Variants in DMD observed in about 807,000 individuals in gnomAD.
DMD encodes mutant dystrophin.
In DMD, 63 loss-of-function variants were observed where a neutral mutation model predicts 330.1. That is an observed-to-expected ratio of 0.19 (90% CI 0.16 to 0.24). The LOEUF is 0.24. DMD is among the 10% of genes least tolerant of loss of function. DMD has a pLI of 1.00. For synonymous variants in DMD, 1,223 were observed against 959.8 expected (o/e 1.27, Z -5.07); for missense variants, 3,344 against 2,684.1 (o/e 1.25, Z -5.43).
intron 63 of DMD, among the ~76,000 whole-genome samples, chrX:31,251,368 C>A (rs922048402): frequency 1.8e-5 from 2 of 111,045 alleles, no homozygotes; most frequent in African/African-American, 6.6e-5. Context: ...AAAATTAATG[C>A]TTGGTAAAGA....
intron 60 of DMD, among the ~76,000 whole-genome samples, chrX:31,382,076 A>G (rs964019887): frequency 8.1e-5 from 9 of 111,522 alleles, no homozygotes; most frequent in Non-Finnish European, 1.7e-4. Flanking sequence ...CGGTCCTATA[A>G]CAGACTGGAC....
At chrX:32,814,236 C>G (rs1345292845) in intron 6 of DMD, among the ~76,000 whole-genome samples, 2 of 112,239 alleles carry the variant, frequency 1.8e-5, no homozygotes, top group Admixed American at 1.9e-4. Flanking sequence ...TTATCTGCAT[C>G]TTTTGTACAT....
intron 44 of DMD, among the ~76,000 whole-genome samples, chrX:31,971,434 A>G (rs1172229388): frequency 1.8e-5 from 2 of 111,524 alleles, no homozygotes; most frequent in Non-Finnish European, 3.8e-5. Context: ...GCAATAATTT[A>G]AAATTGTTAG....
intron 40 of DMD, 91 bp from the exon 41 acceptor site, chrX:32,342,373 AG>A: frequency 5.1e-6 from 5 of 982,280 alleles, no homozygotes; most frequent in Non-Finnish European, 7.1e-6. Context: ...AAAATTTCAA[AG>A]GCTGTTGTCC....
chrX:31,732,665 C>T (rs903095198), intron 51 of DMD, among the ~76,000 whole-genome samples: 3 of 110,972 alleles, frequency 2.7e-5, no homozygotes, highest in African/African-American at 9.8e-5. Context: ...CTAATCATTA[C>T]TCAAACTACT....
intron 44 of DMD, among the ~76,000 whole-genome samples, chrX:32,033,673 G>GA (rs778084461): frequency 4.3e-4 from 35 of 81,025 alleles, no homozygotes; most frequent in East Asian, 7.8e-4. Flanking sequence ...AGAAAGAAAG[G>GA]AAGGAAAGAA....
chrX:32,959,744 T>C (rs933923762), intron 2 of DMD, among the ~76,000 whole-genome samples: 5 of 110,826 alleles, frequency 4.5e-5, no homozygotes, highest in African/African-American at 1.6e-4. Context: ...GCCCAAGAAC[T>C]TGATATAAAC....
At chrX:31,420,795 G>A (rs2063326417) in intron 60 of DMD, among the ~76,000 whole-genome samples, 1 of 112,348 alleles carries the variant, frequency 8.9e-6, no homozygotes, top group African/African-American at 3.2e-5. Context: ...TCTCTCTTAT[G>A]TCATACAACT....
intron 1 of DMD, among the ~76,000 whole-genome samples, chrX:33,189,978 T>C (rs998711117): frequency 1.8e-5 from 2 of 111,797 alleles, no homozygotes; most frequent in African/African-American, 6.5e-5. Flanking sequence ...TTTCACAAAA[T>C]GATAACTGTA....
At chrX:31,943,878 T>TGAGAGAGA (rs536982335) in intron 45 of DMD, among the ~76,000 whole-genome samples, 2,064 of 74,388 alleles carry the variant, frequency 0.028, 143 homozygotes, top group Non-Finnish European at 0.04. Flanking sequence ...CCCCAGAGAG[T>TGAGAGAGA]GAGAGAGAGA....
At chrX:32,191,286 A>G (rs1042417750) in intron 44 of DMD, among the ~76,000 whole-genome samples, 5 of 111,975 alleles carry the variant, frequency 4.5e-5, no homozygotes, top group Non-Finnish European at 7.5e-5. Context: ...TTTGAAGACA[A>G]CTATCATCTC....
chrX:31,219,833 TACACACAC>T, intron 64 of DMD, among the ~76,000 whole-genome samples: 1 of 100,349 alleles, frequency 1.0e-5, no homozygotes, highest in African/African-American at 3.6e-5. Flanking sequence ...GATCAATGTA[TACACACAC>T]ACACACACAC....
At chrX:32,998,330 C>T (rs1344990531) in intron 2 of DMD, among the ~76,000 whole-genome samples, 1 of 92,115 alleles carries the variant, frequency 1.1e-5, no homozygotes. Flanking sequence ...GATTGCATTA[C>T]CACACTCCAG....
At chrX:31,149,743 T>C (rs995451990) in intron 74 of DMD, among the ~76,000 whole-genome samples, 3 of 112,167 alleles carry the variant, frequency 2.7e-5, no homozygotes, top group African/African-American at 9.7e-5. Flanking sequence ...CCACTTTAAT[T>C]ATATACCAAA....
At chrX:32,403,410 A>C (rs1164338950) in intron 30 of DMD, among the ~76,000 whole-genome samples, 1 of 111,750 alleles carries the variant, frequency 8.9e-6, no homozygotes, top group Non-Finnish European at 1.9e-5. Context: ...TTATATGTAG[A>C]ATTTGTAGAT....
chrX:32,379,324 G>T (rs995728769), intron 34 of DMD, among the ~76,000 whole-genome samples: 1 of 109,612 alleles, frequency 9.1e-6, no homozygotes, highest in Non-Finnish European at 1.9e-5. Flanking sequence ...CCTTCTATAT[G>T]AGAAGGATAA....
chrX:32,724,057 T>C (rs1204216268), intron 7 of DMD, among the ~76,000 whole-genome samples: 2 of 111,815 alleles, frequency 1.8e-5, no homozygotes, highest in African/African-American at 6.5e-5. Context: ...GCACATATTG[T>C]TGTATTTCAA....
At chrX:32,026,835 A>T (rs1012950647) in intron 44 of DMD, among the ~76,000 whole-genome samples, 23 of 111,154 alleles carry the variant, frequency 2.1e-4, no homozygotes, top group African/African-American at 7.6e-4. Flanking sequence ...TAATTCAGGG[A>T]CTCTGAGTCC....
intron 29 of DMD, among the ~76,000 whole-genome samples, chrX:32,426,922 CA>C (rs1262939761): frequency 9.0e-6 from 1 of 111,050 alleles, no homozygotes; most frequent in Non-Finnish European, 1.9e-5. Flanking sequence ...TACATGGACA[CA>C]ATGAGGGAAC....
Sources: gnomAD v4.1 joint callset for allele counts (sites outside exome capture counted in the v4.1 genomes callset) on GRCh38, gnomAD v4.1.1 for gene constraint, MANE v1.5 for transcripts, NCBI Gene and HGNC (gene_info 2026-07-23, HGNC 2026-07-21) for gene names.